Variants in EPB41L2 observed in about 807,000 individuals in gnomAD.
EPB41L2 encodes erythrocyte membrane protein band 4.1 like 2, also known as band 4.1-like protein 2.
In EPB41L2, 43 loss-of-function variants were observed where a neutral mutation model predicts 113.0. The observed-to-expected ratio is 0.38, with a 90% CI of 0.30 to 0.49. The LOEUF (loss-of-function observed/expected upper bound fraction) is 0.49. Among genes scored for constraint, EPB41L2 ranks in the 20% least tolerant of loss-of-function variants. The probability of loss-of-function intolerance (pLI) is 0.95; values close to 1 mark genes in which losing one functional copy is unlikely to be tolerated. For missense variants in EPB41L2, 1,147 were observed against 1,223.4 expected (o/e 0.94, Z 0.93); for synonymous variants, 442 against 436.7 (o/e 1.01, Z -0.15).
intron 9 of EPB41L2, 38 bp downstream of exon 9, chr6:130,894,929 C>T: frequency 2.5e-6 from 4 of 1,571,384 alleles, no homozygotes; most frequent in Non-Finnish European, 3.5e-6. Context: ...CGTAAACAGG[C>T]CGACTAACAA....
At chr6:130,853,426 T>A (rs2128414152) in intron 19 of EPB41L2, among the ~76,000 whole-genome samples, 1 of 152,222 alleles carries the variant, frequency 6.6e-6, no homozygotes, top group South Asian at 2.1e-4. Flanking sequence ...ACCACTGCAG[T>A]GGTGATAAGG....
At chr6:130,982,800 C>A (rs1024929261) in intron 1 of EPB41L2, among the ~76,000 whole-genome samples, 2 of 152,162 alleles carry the variant, frequency 1.3e-5, no homozygotes, top group Admixed American at 1.3e-4. Context: ...CTCTGTAAGG[C>A]ACATATTATC....
rs143338984 is a variant in EPB41L2 at position 130,901,024 on chromosome 6, C to G, written c.1086G>C (p.Gln362His). 3.1e-6 allele frequency: 5 copies of G among 1,614,016 alleles called. No individual in the cohort carries two copies. In the African/African-American group the frequency reaches 5.3e-5, roughly 17 times the overall value. Residue 362 changes from glutamine (Q) to histidine (H), a missense_variant, in exon 7 of 20, where the codon CAG becomes CAC. Coordinates refer to ENST00000337057, the MANE Select transcript of EPB41L2 (RefSeq NM_001431.4). ...EHGSIDLSEF[Q>H]FAPTQTKELE... ...GCTCCTTAGTCTGAGTAGGGGCAAA[C>G]TGGAATTCACTGAGGTCGATGCTGC... is the stretch of plus-strand genomic sequence containing the variant.
At chr6:130,887,514 C>T (rs959414321) in intron 11 of EPB41L2, among the ~76,000 whole-genome samples, 6 of 152,150 alleles carry the variant, frequency 3.9e-5, no homozygotes, top group Admixed American at 3.3e-4. Context: ...CATTCTTCAC[C>T]ATGGCCTCCA....
In EPB41L2 at chr6:130,894,592, A is replaced by G. The variant is rs942443493; in HGVS notation, c.1390-151T>C. 1.5e-5 allele frequency: 10 copies of G among 681,498 alleles called. No homozygotes were observed. The African/African-American group carries it at 1.8e-4, about 12-fold the overall frequency. 42.2% of individuals were successfully genotyped at this position (681,498 alleles called of 1,614,324 possible). On this transcript the variant is annotated intron_variant, in intron 9 of 19. Transcript: ENST00000337057. ...TATCTAATATAATCATATAAAGATGAATTTCATAGACTGCAATACTATTTT... is the reference window on the plus strand; with the variant it reads ...TATCTAATATAATCATATAAAGATGGATTTCATAGACTGCAATACTATTTT...
In EPB41L2 at chr6:130,994,816, CGCCT is replaced by C. The variant is rs372188103; in HGVS notation, c.-14-38321_-14-38318del. 2.1e-3 allele frequency among the ~76,000 whole-genome samples: 313 copies of C among 152,282 alleles called. 4 individuals carry two copies. Among genetic ancestry groups the C allele is most frequent in the African/African-American group, 7.1e-3 (293 of 41,556 alleles). Reference sequence around the variant, plus strand: ...CTGACTCCCGTTCTTTTTAAAGTCACGCCTCTGCTCACTGAGATAAAAGCGTATC... The same window carrying C: ...CTGACTCCCGTTCTTTTTAAAGTCACCTGCTCACTGAGATAAAAGCGTATC... On this transcript the variant is annotated intron_variant, in intron 1 of 19. Coordinates refer to ENST00000337057, the MANE Select transcript of EPB41L2 (RefSeq NM_001431.4).
At chr6:130,982,185 C>T (rs570406208) in intron 1 of EPB41L2, among the ~76,000 whole-genome samples, 3 of 151,674 alleles carry the variant, frequency 2.0e-5, no homozygotes, top group Non-Finnish European at 4.4e-5. Context: ...CAAATCAATG[C>T]TTTATTTTGT....
intron 1 of EPB41L2, among the ~76,000 whole-genome samples, chr6:131,002,504 A>T (rs1784567357): frequency 6.6e-6 from 1 of 152,246 alleles, no homozygotes; most frequent in African/African-American, 2.4e-5. Context: ...AAGTCTGTGT[A>T]TGAGCAATTG....
At chr6:130,979,181 G>A (rs943777444) in intron 1 of EPB41L2, among the ~76,000 whole-genome samples, 6 of 152,076 alleles carry the variant, frequency 3.9e-5, no homozygotes, top group Non-Finnish European at 4.4e-5. Context: ...GAGACCAACT[G>A]ACACAATGAA....
chr6:130,894,457 A>G lies in EPB41L2; in HGVS notation c.1390-16T>C. ...ACTGTTCCAGCTGGAATAAATCCGT[A>G]AAACAAATCAGCATATTTCCTTAAG... On this transcript the variant is annotated splice_polypyrimidine_tract_variant and intron_variant, in intron 9 of 19. Transcript: ENST00000337057. The G allele has an allele frequency of 1.2e-6, 2 of 1,608,082 alleles. No homozygotes were observed. The highest frequency in any genetic ancestry group is 1.1e-5 in the South Asian group (1 of 90,948).
chr6:130,884,488 A>T, intron 12 of EPB41L2, among the ~76,000 whole-genome samples: 1 of 152,228 alleles, frequency 6.6e-6, no homozygotes, highest in South Asian at 2.1e-4. Flanking sequence ...AGGCTTCTCA[A>T]ATCAATATTC....
chr6:130,883,128 T>C (rs768720323), intron 12 of EPB41L2: 12 of 152,576 alleles, frequency 7.9e-5, no homozygotes, highest in Non-Finnish European at 7.3e-5. Flanking sequence ...AAAGATGAAG[T>C]ACGGTGGATG....
chr6:130,990,972 G>A (rs1267962488), intron 1 of EPB41L2, among the ~76,000 whole-genome samples: 1 of 151,338 alleles, frequency 6.6e-6, no homozygotes, highest in South Asian at 2.1e-4. Context: ...GACTACAGGC[G>A]CATGCCACCA....
At chr6:131,003,598 C>G (rs1784827897) in intron 1 of EPB41L2, among the ~76,000 whole-genome samples, 1 of 152,124 alleles carries the variant, frequency 6.6e-6, no homozygotes, top group South Asian at 2.1e-4. Flanking sequence ...CCATCCCCAC[C>G]CCTCCTCACA....
At chr6:131,010,414 AT>A (rs34144765) in intron 1 of EPB41L2, among the ~76,000 whole-genome samples, 27,675 of 142,728 alleles carry the variant, frequency 0.19, 2,668 homozygotes, top group African/African-American at 0.32. Context: ...GAATTAATTA[AT>A]TTTTTTTTTT....
At chr6:130,967,707 T>C (rs6908393) in intron 1 of EPB41L2, among the ~76,000 whole-genome samples, 1,994 of 152,278 alleles carry the variant, frequency 0.013, 42 homozygotes, top group South Asian at 0.039. Context: ...TTGTCATCAG[T>C]TTCCTGTCCA....
chr6:130,958,894 T>C (rs888956065), intron 1 of EPB41L2, among the ~76,000 whole-genome samples: 1 of 152,224 alleles, frequency 6.6e-6, no homozygotes, highest in Non-Finnish European at 1.5e-5. Context: ...TGTAATAAGA[T>C]TCTCATTTCA....
chr6:130,893,539 A>C (rs1320984270), intron 10 of EPB41L2, among the ~76,000 whole-genome samples: 4 of 152,220 alleles, frequency 2.6e-5, no homozygotes, highest in African/African-American at 4.8e-5. Context: ...TCAAAAGACA[A>C]ATTGCTTGCC....
At chr6:130,900,548 G>A (rs1562435989) in intron 7 of EPB41L2, among the ~76,000 whole-genome samples, 2 of 152,108 alleles carry the variant, frequency 1.3e-5, no homozygotes, top group Non-Finnish European at 2.9e-5. Context: ...ACCTACACTG[G>A]TAATTCAAAT....
Sources: gnomAD v4.1 joint callset for allele counts (sites outside exome capture counted in the v4.1 genomes callset) on GRCh38, gnomAD v4.1.1 for gene constraint, MANE v1.5 for transcripts, NCBI Gene and HGNC (gene_info 2026-07-23, HGNC 2026-07-21) for gene names.